The following ERG variants were observed in gnomAD, a reference collection of about 807,000 sequenced individuals.
ERG encodes transcriptional regulator ERG.
ERG carries 9 observed loss-of-function variants against 55.3 expected under a neutral mutation model. The ratio of observed to expected loss-of-function variants is 0.16; its 90% CI spans 0.10 to 0.28. The LOEUF (loss-of-function observed/expected upper bound fraction) is 0.28. Among genes scored for constraint, ERG ranks in the 10% least tolerant of loss-of-function variants. ERG has a pLI of 1.00. For synonymous variants in ERG, 223 were observed against 237.3 expected (o/e 0.94, Z 0.55); for missense variants, 434 against 631.6 (o/e 0.69, Z 3.35).
chr21:38,511,079 G>A (rs1259050792), intron 2 of ERG, among the ~76,000 whole-genome samples: 1 of 152,200 alleles, frequency 6.6e-6, no homozygotes, highest in Non-Finnish European at 1.5e-5. Context: ...GGTTTAGTGT[G>A]AAGGAGTTAG....
At chr21:38,593,456 A>T (rs1209294997) in intron 1 of ERG, among the ~76,000 whole-genome samples, 1 of 152,244 alleles carries the variant, frequency 6.6e-6, no homozygotes, top group Non-Finnish European at 1.5e-5. Flanking sequence ...TTTCTAAGAA[A>T]GTTCATCAAA....
intron 6 of ERG, among the ~76,000 whole-genome samples, chr21:38,399,140 T>C (rs909029150): frequency 3.3e-5 from 5 of 152,346 alleles, no homozygotes; most frequent in Non-Finnish European, 7.3e-5. Context: ...CATGTTTCAA[T>C]GGCCTGTGAA....
At chr21:38,514,528 A>T (rs142121740) in intron 2 of ERG, among the ~76,000 whole-genome samples, 1 of 151,988 alleles carries the variant, frequency 6.6e-6, no homozygotes, top group Non-Finnish European at 1.5e-5. Flanking sequence ...AAAGCACTTA[A>T]TAACATTCAA....
At chr21:38,556,511 AG>A (rs1476169565) in intron 2 of ERG, among the ~76,000 whole-genome samples, 2 of 152,142 alleles carry the variant, frequency 1.3e-5, no homozygotes, top group Non-Finnish European at 2.9e-5. Context: ...TGGATACAAA[AG>A]GGGTGGGCCA....
chr21:38,468,190 C>T (rs2059107101), intron 1 of ERG, among the ~76,000 whole-genome samples: 1 of 152,172 alleles, frequency 6.6e-6, no homozygotes, highest in African/African-American at 2.4e-5. Flanking sequence ...CGGCACCTTC[C>T]TCCCCACCCG....
chr21:38,566,691 C>A (rs1468976632), intron 2 of ERG, among the ~76,000 whole-genome samples: 2 of 152,124 alleles, frequency 1.3e-5, no homozygotes, highest in Non-Finnish European at 2.9e-5. Context: ...AAGACAGCAG[C>A]CTTCAATGAA....
At position 38,447,081 on chromosome 21, in the gene ERG, T is replaced by A. The variant is rs2058899189; in HGVS notation, c.19-1460A>T. ...TCCTCTCCACCCAGAAGGATCAGAA[T>A]TTTTAGGAAACAATCACCCCCAACT... is the stretch of plus-strand genomic sequence containing the variant. On this transcript the variant is annotated intron_variant, in intron 1 of 9. Coordinates refer to ENST00000288319, the MANE Select transcript of ERG (RefSeq NM_182918.4). Among the ~76,000 whole-genome samples, 2 of 152,008 alleles carry A rather than the reference T, an allele frequency of 1.3e-5. 1 individual carries two copies. The highest frequency in any genetic ancestry group is 4.2e-4 in the South Asian group (2 of 4,796).
intron 6 of ERG, among the ~76,000 whole-genome samples, chr21:38,399,400 G>T (rs1451070454): frequency 6.6e-6 from 1 of 152,144 alleles, no homozygotes; most frequent in East Asian, 1.9e-4. Context: ...AAGAGTAGTT[G>T]CCAAGCCTAG....
chr21:38,488,379 C>T (rs2059306163), intron 1 of ERG, among the ~76,000 whole-genome samples: 1 of 152,018 alleles, frequency 6.6e-6, no homozygotes, highest in Non-Finnish European at 1.5e-5. Context: ...AAGGGGCTCC[C>T]AGGTGCTATT....
At position 38,602,743 on chromosome 21, in the gene ERG, A is replaced by G. The variant is rs144687997; in HGVS notation, c.-149-17798T>C. Among the ~76,000 whole-genome samples, 381 of 152,028 alleles carry G rather than the reference A, an allele frequency of 2.5e-3. 4 individuals are homozygous for G. The highest frequency in any genetic ancestry group is 8.5e-3 in the African/African-American group (352 of 41,360). On this transcript the variant is annotated intron_variant, in intron 1 of 10. Transcript: ENST00000398910. The stretch of plus-strand genomic sequence containing the variant: ...AAGCCATTTTGAAGAAAATCTTTGA[A>G]CACGTCTCAGTGGCTTGATGCTTCA...
chr21:38,439,183 G>T (rs1355738191), intron 2 of ERG, among the ~76,000 whole-genome samples: 1 of 152,198 alleles, frequency 6.6e-6, no homozygotes, highest in Non-Finnish European at 1.5e-5. Flanking sequence ...AGGGGAAGGT[G>T]CCACTTAGTG....
chr21:38,429,582 C>CAT (rs1242183621), intron 2 of ERG, among the ~76,000 whole-genome samples: 1 of 77,258 alleles, frequency 1.3e-5, no homozygotes, highest in African/African-American at 3.9e-5. Flanking sequence ...TACATATATA[C>CAT]ATATGTGTAT....
downstream of ERG, among the ~76,000 whole-genome samples, chr21:38,379,544 G>A (rs1027429815): frequency 5.9e-5 from 9 of 151,976 alleles, no homozygotes; most frequent in Middle Eastern, 6.3e-3. Flanking sequence ...CATGCTTCCT[G>A]CAGAAGTTTG....
intron 1 of ERG, among the ~76,000 whole-genome samples, chr21:38,651,011 T>C (rs776321270): frequency 6.6e-6 from 1 of 152,268 alleles, no homozygotes; most frequent in Non-Finnish European, 1.5e-5. Flanking sequence ...CAAGCTGGAA[T>C]TATCTTTAAA....
chr21:38,630,268 G>A (rs1321091533), intron 1 of ERG, among the ~76,000 whole-genome samples: 2 of 152,158 alleles, frequency 1.3e-5, no homozygotes, highest in Non-Finnish European at 2.9e-5. Flanking sequence ...TTTATATTAT[G>A]TATGTTTTAC....
chr21:38,390,948 T>G lies in ERG; in HGVS notation c.919+47A>C, dbSNP rs758594834. ...CCAATTTACTTTTCAAAATAACCAC[T>G]GCCAAAAAGTAATTTTGTAAGAAGA... On this transcript the variant is annotated intron_variant, in intron 9 of 9. Transcript: ENST00000288319. 4 of 1,518,032 alleles carry G rather than the reference T, an allele frequency of 2.6e-6. No individual in the cohort carries two copies. The South Asian group carries it at 4.5e-5, about 17-fold the overall frequency. The allele number at this position is 1,518,032 out of a possible 1,614,324, so 94.0% of individuals were successfully genotyped here.
intron 2 of ERG, among the ~76,000 whole-genome samples, chr21:38,549,835 G>T (rs9980821): frequency 3.9e-5 from 6 of 151,920 alleles, no homozygotes; most frequent in African/African-American, 1.2e-4. Context: ...GAGAGTGAGG[G>T]GAAGCGAGTG....
chr21:38,424,581 G>C (rs1007322185), intron 2 of ERG, among the ~76,000 whole-genome samples: 2 of 152,162 alleles, frequency 1.3e-5, no homozygotes, highest in Admixed American at 1.3e-4. Context: ...TTGTTCTCGC[G>C]GTGTGACAGC....
At chr21:38,606,867 A>C (rs530635805) in intron 1 of ERG, among the ~76,000 whole-genome samples, 2 of 152,314 alleles carry the variant, frequency 1.3e-5, no homozygotes, top group African/African-American at 4.8e-5. Context: ...AGGGATAAAA[A>C]TTATTCAGAA....
Sources: allele counts gnomAD v4.1 joint callset (sites outside exome capture counted in the v4.1 genomes callset), GRCh38; gene constraint gnomAD v4.1.1; transcripts MANE v1.5; gene names NCBI Gene and HGNC (gene_info 2026-07-23, HGNC 2026-07-21).